The following NELL1 variants were observed in gnomAD, a reference collection of about 807,000 sequenced individuals.
The protein encoded by NELL1 is neural EGFL like 1, also known as protein kinase C-binding protein NELL1.
Under a neutral mutation model 107.4 loss-of-function variants are expected in NELL1, and 76 were observed. The observed-to-expected ratio is 0.71, with a 90% CI of 0.59 to 0.86. NELL1 has a LOEUF of 0.86. Ranked by LOEUF, NELL1 falls within the 40% of genes least tolerant of loss-of-function variation. The pLI is 0.00. For missense variants in NELL1, 1,024 were observed against 1,005.5 expected, an observed-to-expected ratio of 1.02 and a Z score of -0.25; for synonymous variants, 353 against 341.2, an observed-to-expected ratio of 1.03 and a Z score of -0.38.
At chr11:21,067,662 T>A (rs1853908731) in intron 12 of NELL1, among the ~76,000 whole-genome samples, 1 of 152,214 alleles carries the variant, frequency 6.6e-6, no homozygotes, top group African/African-American at 2.4e-5. Context: ...AGCATTGGCT[T>A]AGTATATACC....
At chr11:21,254,998 A>C (rs1858733458) in intron 14 of NELL1, among the ~76,000 whole-genome samples, 1 of 152,094 alleles carries the variant, frequency 6.6e-6, no homozygotes, top group Non-Finnish European at 1.5e-5. Context: ...ATCTGAAATG[A>C]CAGACATGCT....
intron 7 of NELL1, 130 bp downstream of exon 7, chr11:20,919,464 T>A (rs1021605576): frequency 3.8e-5 from 22 of 577,620 alleles, no homozygotes; most frequent in Admixed American, 3.1e-4. Context: ...AAATGTTTTA[T>A]TCTTACTCAA....
intron 14 of NELL1, among the ~76,000 whole-genome samples, chr11:21,268,325 T>C (rs932457250): frequency 2.0e-5 from 3 of 152,154 alleles, no homozygotes; most frequent in South Asian, 2.1e-4. Flanking sequence ...AATTCCCCTA[T>C]GCTTCTGGCA....
rs560354622 is a variant in NELL1, at chr11:20,826,781, C to G, written c.336-20802C>G. On this transcript the variant is annotated intron_variant, in intron 3 of 19. Transcript: ENST00000357134. ...TTAGTGGAACTAATCTCGGTATTTGCCTGATACATCTTAAATTTGCTTGTT... is the reference window on the plus strand; with the variant it reads ...TTAGTGGAACTAATCTCGGTATTTGGCTGATACATCTTAAATTTGCTTGTT... Among the ~76,000 whole-genome samples, 9 of 151,184 alleles carry G rather than the reference C, an allele frequency of 6.0e-5. No homozygotes were observed. The East Asian group carries it at 1.4e-3, about 23-fold the overall frequency.
intron 12 of NELL1, among the ~76,000 whole-genome samples, chr11:21,018,954 G>A (rs951384297): frequency 6.6e-6 from 1 of 152,080 alleles, no homozygotes; most frequent in African/African-American, 2.4e-5. Context: ...CTCCACTCAA[G>A]ATGATTTAGT....
At chr11:21,287,893 G>T (rs1289865989) in intron 14 of NELL1, among the ~76,000 whole-genome samples, 1 of 151,530 alleles carries the variant, frequency 6.6e-6, no homozygotes, top group African/African-American at 2.4e-5. Context: ...TGCATCCCTT[G>T]GCAATAGGAG....
intron 3 of NELL1, among the ~76,000 whole-genome samples, chr11:20,784,507 A>C (rs1175823040): frequency 6.6e-6 from 1 of 151,742 alleles, no homozygotes. Context: ...GGAACATAAA[A>C]GTGTGTATGG....
At chr11:21,474,733 G>A (rs1448957524) in intron 15 of NELL1, among the ~76,000 whole-genome samples, 2 of 151,996 alleles carry the variant, frequency 1.3e-5, no homozygotes, top group African/African-American at 4.8e-5. Context: ...GTTATAATTA[G>A]GTATTTGTTT....
At chr11:20,748,888 CCAT>C (rs1856065441) in intron 2 of NELL1, among the ~76,000 whole-genome samples, 1 of 148,200 alleles carries the variant, frequency 6.7e-6, no homozygotes, top group African/African-American at 2.6e-5. Flanking sequence ...ATCCATCCAT[CCAT>C]CCATCCATCC....
At chr11:21,344,186 G>A (rs1850635454) in intron 14 of NELL1, among the ~76,000 whole-genome samples, 1 of 152,190 alleles carries the variant, frequency 6.6e-6, no homozygotes, top group Non-Finnish European at 1.5e-5. Context: ...AAACCAGCCA[G>A]TGTTGTCTGT....
chr11:21,427,230 C>T (rs1852844902), intron 15 of NELL1, among the ~76,000 whole-genome samples: 1 of 152,176 alleles, frequency 6.6e-6, no homozygotes, highest in Admixed American at 6.5e-5. Context: ...CCTTCCAAAT[C>T]TTGCAAAACT....
At chr11:21,532,740 G>C (rs1460719813) in intron 15 of NELL1, among the ~76,000 whole-genome samples, 1 of 152,180 alleles carries the variant, frequency 6.6e-6, no homozygotes, top group East Asian at 1.9e-4. Context: ...GCCTAACATA[G>C]AGAAGTCATC....
rs1017233362 is a variant in NELL1, at chr11:21,483,027, G to A, written c.1646-51347G>A. On this transcript the variant is annotated intron_variant, in intron 15 of 19. Transcript: ENST00000357134. ...TTTTGAGACATAGTCTTGCTCTGTC[G>A]CCCAGGCTGGAGTGCGGTGGAGTGA... Among the ~76,000 whole-genome samples, 8 of 150,974 alleles carry A rather than the reference G, an allele frequency of 5.3e-5. No homozygotes were observed. The East Asian group carries it at 1.2e-3, about 22-fold the overall frequency.
At chr11:21,396,202 A>G (rs1851976971) in intron 15 of NELL1, among the ~76,000 whole-genome samples, 1 of 151,528 alleles carries the variant, frequency 6.6e-6, no homozygotes. Flanking sequence ...TAAAAAATCT[A>G]CAGGGCACTA....
Position 21,559,155 on chromosome 11 carries a change from C to T in NELL1, c.1787-1034C>T, listed in dbSNP as rs117429451. On this transcript the variant is annotated intron_variant, in intron 16 of 19. Coordinates refer to ENST00000357134, the MANE Select transcript of NELL1 (RefSeq NM_006157.5). ...TATTAGAATTTCTTAATGTCATCTG[C>T]TTTGTATTGCACCATGTGCAAAGAA... 3.1e-3 allele frequency among the ~76,000 whole-genome samples: 473 copies of T among 152,200 alleles called. 3 individuals are homozygous for T. The highest frequency in any genetic ancestry group is 0.027 in the Middle Eastern group (8 of 294).
intron 14 of NELL1, among the ~76,000 whole-genome samples, chr11:21,277,933 G>T (rs868651022): frequency 1.6e-4 from 25 of 152,212 alleles, no homozygotes; most frequent in African/African-American, 4.8e-4. Flanking sequence ...AGCATTAGGA[G>T]ATATACCTAA....
intron 3 of NELL1, among the ~76,000 whole-genome samples, chr11:20,801,175 A>T (rs1322325085): frequency 6.6e-6 from 1 of 152,210 alleles, no homozygotes; most frequent in Non-Finnish European, 1.5e-5. Context: ...GAAAAGTGAA[A>T]TTCTTAAACT....
At chr11:21,013,411 A>C (rs2134290237) in intron 12 of NELL1, among the ~76,000 whole-genome samples, 1 of 152,220 alleles carries the variant, frequency 6.6e-6, no homozygotes, top group Admixed American at 6.5e-5. Context: ...ATTTGGCTCC[A>C]AATATTGAGG....
chr11:21,565,051 T>TGGGG (rs1374788567), intron 17 of NELL1, among the ~76,000 whole-genome samples: 1 of 151,946 alleles, frequency 6.6e-6, no homozygotes, highest in Non-Finnish European at 1.5e-5. Flanking sequence ...GGTCTGTGCC[T>TGGGG]GGGGCCAGGA....
Sources: allele counts gnomAD v4.1 joint callset (sites outside exome capture counted in the v4.1 genomes callset), GRCh38; gene constraint gnomAD v4.1.1; transcripts MANE v1.5; gene names NCBI Gene and HGNC (gene_info 2026-07-23, HGNC 2026-07-21).